Variants in DENND1B observed in about 807,000 individuals in gnomAD.
The protein encoded by DENND1B is DENN domain containing 1B.
A neutral mutation model predicts 90.1 loss-of-function variants in DENND1B; 59 were observed. The ratio of observed to expected loss-of-function variants is 0.65; its 90% CI spans 0.53 to 0.81. DENND1B has a LOEUF of 0.81. Ranked by LOEUF, DENND1B falls within the 40% of genes least tolerant of loss-of-function variation. The pLI is 0.00. For synonymous variants in DENND1B, 337 were observed against 324.6 expected, an observed-to-expected ratio of 1.04 and a Z score of -0.41; for missense variants, 862 against 912.6, an observed-to-expected ratio of 0.94 and a Z score of 0.71.
chr1:197,714,267 C>T (rs951682978), intron 3 of DENND1B, among the ~76,000 whole-genome samples: 2 of 151,774 alleles, frequency 1.3e-5, no homozygotes, highest in East Asian at 3.9e-4. Context: ...GCCACTGTAC[C>T]CAGCCTTATC....
chr1:197,779,976 G>T (rs1657387614), upstream of DENND1B, among the ~76,000 whole-genome samples: 1 of 152,118 alleles, frequency 6.6e-6, no homozygotes, highest in Non-Finnish European at 1.5e-5. Context: ...AAATGAAAAT[G>T]AGTTCTCTGG....
At chr1:197,564,816 G>C (rs1051659382) in intron 15 of DENND1B, among the ~76,000 whole-genome samples, 1 of 151,918 alleles carries the variant, frequency 6.6e-6, no homozygotes, top group Non-Finnish European at 1.5e-5. Context: ...GGCTCTCCAG[G>C]TAAGTCAGTC....
chr1:197,625,527 A>G (rs1477664400), intron 10 of DENND1B, among the ~76,000 whole-genome samples: 1 of 152,120 alleles, frequency 6.6e-6, no homozygotes, highest in Non-Finnish European at 1.5e-5. Context: ...CTAAACATGG[A>G]AAGGAACAAC....
chr1:197,774,615 T>C (rs1217944819), intron 1 of DENND1B: 1 of 152,434 alleles, frequency 6.6e-6, no homozygotes, highest in African/African-American at 2.4e-5. Context: ...CAGAGACCAA[T>C]CTAATTTTAT....
At chr1:197,670,101 C>A (rs1383435624) in intron 5 of DENND1B, among the ~76,000 whole-genome samples, 1 of 72,024 alleles carries the variant, frequency 1.4e-5, no homozygotes, top group East Asian at 5.4e-4. Flanking sequence ...TTCTTTCAGT[C>A]GATTAACAAA....
intron 2 of DENND1B, among the ~76,000 whole-genome samples, chr1:197,766,397 G>A (rs1385444034): frequency 6.6e-6 from 1 of 152,168 alleles, no homozygotes; most frequent in South Asian, 2.1e-4. Flanking sequence ...TTCCATGTTG[G>A]ACAATAATGC....
chr1:197,760,322 T>C (rs1436446431), intron 2 of DENND1B, among the ~76,000 whole-genome samples: 5 of 152,194 alleles, frequency 3.3e-5, no homozygotes, highest in Non-Finnish European at 5.9e-5. Flanking sequence ...AAAATGGTCA[T>C]TGTTAATCTG....
chr1:197,537,662 C>T (rs960734449), intron 20 of DENND1B, among the ~76,000 whole-genome samples: 1 of 151,756 alleles, frequency 6.6e-6, no homozygotes, highest in African/African-American at 2.4e-5. Flanking sequence ...TCATGTTATA[C>T]ACGTTAAATA....
chr1:197,607,306 G>C lies in DENND1B; in HGVS notation c.820-132C>G. On this transcript the variant is annotated intron_variant, in intron 12 of 22. Coordinates refer to ENST00000620048, the MANE Select transcript of DENND1B (RefSeq NM_001195215.2). Reference sequence around the variant, plus strand: ...AGAAAAAAGGAAAATCCTATATTATGAAAGGATAGAAACAACTTTGCCTCC... The same window carrying C: ...AGAAAAAAGGAAAATCCTATATTATCAAAGGATAGAAACAACTTTGCCTCC... 5.9e-6 allele frequency: 3 copies of C among 504,462 alleles called. No homozygotes were observed. The South Asian group carries it at 1.5e-4, about 26-fold the overall frequency. The allele number at this position is 504,462 out of a possible 1,614,324, so 31.2% of individuals were successfully genotyped here.
intron 2 of DENND1B, among the ~76,000 whole-genome samples, chr1:197,752,821 T>C (rs1653747685): frequency 6.6e-6 from 1 of 151,886 alleles, no homozygotes; most frequent in Non-Finnish European, 1.5e-5. Flanking sequence ...GTGTGTGATG[T>C]TCCCCACCCT....
rs759027155 is a variant in DENND1B at position 197,763,143 on chromosome 1, T to C, written c.82+9725A>G. 7.2e-5 allele frequency among the ~76,000 whole-genome samples: 11 copies of C among 152,304 alleles called. No individual in the cohort carries two copies. In the South Asian group the frequency reaches 1.4e-3, roughly 20 times the overall value. On this transcript the variant is annotated intron_variant, in intron 2 of 22. Transcript: ENST00000620048. Reference sequence around the variant, plus strand: ...CTCCACAACAGAGTGAGACCCCATCTGTACAAAAAATGTAAAAATTAGCCA... The same window carrying C: ...CTCCACAACAGAGTGAGACCCCATCCGTACAAAAAATGTAAAAATTAGCCA...
chr1:197,552,730 A>C (rs937584250), intron 16 of DENND1B: 1 of 1,168,428 alleles, frequency 8.6e-7, no homozygotes, highest in African/African-American at 1.6e-5. Flanking sequence ...AAGGAAAGAC[A>C]GGAAGATATG....
intron 5 of DENND1B, 62 bp downstream of exon 5, chr1:197,671,975 A>G (rs1252303672): frequency 6.8e-7 from 1 of 1,480,060 alleles, no homozygotes; most frequent in Non-Finnish European, 9.0e-7. Context: ...CAAGCATAAC[A>G]AAGTACAATA....
intron 20 of DENND1B, among the ~76,000 whole-genome samples, chr1:197,529,242 A>ATATATGTG (rs1553277550): frequency 3.2e-3 from 35 of 10,850 alleles, no homozygotes; most frequent in African/African-American, 5.7e-3. Flanking sequence ...ATATATATAT[A>ATATATGTG]TGTGTGTGTG....
In DENND1B at chr1:197,651,321, T is replaced by A. The variant is rs1427053847; in HGVS notation, c.447+914A>T. On this transcript the variant is annotated intron_variant, in intron 7 of 22. Coordinates refer to ENST00000620048, the MANE Select transcript of DENND1B (RefSeq NM_001195215.2). ...TTGAACTTTAAGCATTTACAAAAAC[T>A]CCCAAAACATGAGTGTTTTTAGATA... is the stretch of plus-strand genomic sequence containing the variant. Among the ~76,000 whole-genome samples the A allele has an allele frequency of 3.3e-5, 5 of 152,150 alleles. No individual in the cohort carries two copies. The East Asian group carries it at 9.7e-4, about 29-fold the overall frequency.
chr1:197,551,254 C>A (rs1217848439), intron 16 of DENND1B, among the ~76,000 whole-genome samples: 1 of 152,044 alleles, frequency 6.6e-6, no homozygotes, highest in Non-Finnish European at 1.5e-5. Flanking sequence ...AATAACATAA[C>A]ACAGAATAAT....
At chr1:197,579,348 G>A (rs1673989924) in intron 15 of DENND1B, among the ~76,000 whole-genome samples, 1 of 152,120 alleles carries the variant, frequency 6.6e-6, no homozygotes, top group African/African-American at 2.4e-5. Flanking sequence ...AAGATATCAT[G>A]CCAGTATCTT....
At chr1:197,534,577 T>C (rs752930363) in intron 20 of DENND1B, among the ~76,000 whole-genome samples, 1 of 152,218 alleles carries the variant, frequency 6.6e-6, no homozygotes, top group Non-Finnish European at 1.5e-5. Context: ...GCTTTTCTCT[T>C]CTTTTTGGCT....
intron 15 of DENND1B, among the ~76,000 whole-genome samples, chr1:197,563,715 G>C (rs1417190225): frequency 6.6e-6 from 1 of 151,886 alleles, no homozygotes; most frequent in African/African-American, 2.4e-5. Flanking sequence ...CATTTCATTA[G>C]GGCTACAGCT....
Sources: allele counts gnomAD v4.1 joint callset (sites outside exome capture counted in the v4.1 genomes callset), GRCh38; gene constraint gnomAD v4.1.1; transcripts MANE v1.5; gene names NCBI Gene and HGNC (gene_info 2026-07-23, HGNC 2026-07-21).